Variants in MEI4 observed in about 807,000 individuals in gnomAD.
MEI4 encodes meiosis-specific protein MEI4.
MEI4 carries 27 observed loss-of-function variants against 31.4 expected under a neutral mutation model. The observed-to-expected ratio is 0.86, with a 90% confidence interval of 0.63 to 1.19. The LOEUF (loss-of-function observed/expected upper bound fraction) is 1.19. Ranked by LOEUF, MEI4 falls within the 50% of genes most tolerant of loss-of-function variation. MEI4 has a pLI of 0.00. For missense variants in MEI4, 329 were observed against 398.9 expected, an observed-to-expected ratio of 0.82 and a Z score of 1.49; for synonymous variants, 122 against 145.4, an observed-to-expected ratio of 0.84 and a Z score of 1.16.
chr6:77,663,934 G>T (rs988652721), intron 1 of MEI4, among the ~76,000 whole-genome samples: 1 of 152,280 alleles, frequency 6.6e-6, no homozygotes, highest in Non-Finnish European at 1.5e-5. Context: ...TTTCAGTGGG[G>T]TCCCACACAG....
intron 4 of MEI4, among the ~76,000 whole-genome samples, chr6:77,891,791 T>C (rs1031529066): frequency 1.3e-5 from 2 of 152,224 alleles, no homozygotes; most frequent in African/African-American, 2.4e-5. Flanking sequence ...GACTTTTTTA[T>C]TGTTGTATCT....
At chr6:77,911,579 G>C (rs1490526953) in intron 4 of MEI4, among the ~76,000 whole-genome samples, 2 of 151,722 alleles carry the variant, frequency 1.3e-5, no homozygotes, top group African/African-American at 4.8e-5. Flanking sequence ...TTCTGTTCCT[G>C]CATTAATTAA....
At chr6:77,873,332 T>G (rs965965831) in intron 4 of MEI4, among the ~76,000 whole-genome samples, 16 of 152,240 alleles carry the variant, frequency 1.1e-4, no homozygotes, top group Non-Finnish European at 2.1e-4. Flanking sequence ...GTGGTTTTGA[T>G]TGGCATTGCT....
intron 2 of MEI4, among the ~76,000 whole-genome samples, chr6:77,731,074 G>C (rs1445569419): frequency 1.3e-5 from 2 of 151,910 alleles, no homozygotes; most frequent in Admixed American, 1.3e-4. Flanking sequence ...TGTGACTAGT[G>C]CCTCAATAAA....
chr6:77,705,639 C>T (rs757015292), intron 2 of MEI4, among the ~76,000 whole-genome samples: 1 of 152,114 alleles, frequency 6.6e-6, no homozygotes. Flanking sequence ...GAGGGAGGCC[C>T]AATGTGTATG....
At chr6:77,860,734 C>G (rs1026562508) in intron 4 of MEI4, among the ~76,000 whole-genome samples, 2 of 152,084 alleles carry the variant, frequency 1.3e-5, no homozygotes, top group Non-Finnish European at 2.9e-5. Flanking sequence ...AAATACAACT[C>G]AAAGCTCTCC....
rs141484664 is a variant in MEI4, at chr6:77,768,775, C to A, written c.768+7110C>A. 5.6e-4 allele frequency among the ~76,000 whole-genome samples: 85 copies of A among 151,680 alleles called. 2 individuals are homozygous for A. The highest frequency in any genetic ancestry group is 1.5e-3 in the African/African-American group (62 of 41,422). On this transcript the variant is annotated intron_variant, in intron 3 of 4. Transcript: ENST00000684080. The stretch of plus-strand genomic sequence containing the variant: ...CCTGTTCTGTGGTGCAATATAGGAT[C>A]ACCTGTTTCTTGTTCTTTTTTATTG...
At chr6:77,657,459 C>T (rs1387938865) in intron 1 of MEI4, among the ~76,000 whole-genome samples, 3 of 142,906 alleles carry the variant, frequency 2.1e-5, no homozygotes, top group African/African-American at 8.0e-5. Flanking sequence ...TTCAATTTCA[C>T]AAACATCTTT....
intron 1 of MEI4, among the ~76,000 whole-genome samples, chr6:77,675,915 T>C (rs1768836456): frequency 6.6e-6 from 1 of 152,234 alleles, no homozygotes; most frequent in Non-Finnish European, 1.5e-5. Context: ...GCTGTTCTCA[T>C]GGCCATTTCA....
At chr6:77,696,624 C>G (rs1401897032) in intron 2 of MEI4, among the ~76,000 whole-genome samples, 8 of 151,486 alleles carry the variant, frequency 5.3e-5, no homozygotes, top group African/African-American at 1.2e-4. Context: ...CCCACTTGAT[C>G]ATGGTGGATA....
At chr6:77,715,245 C>G (rs1034969243) in intron 2 of MEI4, among the ~76,000 whole-genome samples, 2 of 152,118 alleles carry the variant, frequency 1.3e-5, no homozygotes, top group African/African-American at 4.8e-5. Context: ...TCCTAGACCA[C>G]TGATTTTGTA....
At chr6:77,845,781 C>T (rs192940441) in intron 4 of MEI4, among the ~76,000 whole-genome samples, 11 of 151,570 alleles carry the variant, frequency 7.3e-5, no homozygotes, top group African/African-American at 2.2e-4. Context: ...GTTTATATAT[C>T]TAAGTGGCCT....
At chr6:77,745,243 C>T (rs760339272) in intron 2 of MEI4, among the ~76,000 whole-genome samples, 4 of 152,100 alleles carry the variant, frequency 2.6e-5, no homozygotes, top group African/African-American at 9.7e-5. Flanking sequence ...TGCAGAGACA[C>T]ACATAGGCTC....
intron 4 of MEI4, among the ~76,000 whole-genome samples, chr6:77,874,640 A>G (rs1354803722): frequency 2.0e-5 from 3 of 151,990 alleles, no homozygotes; most frequent in African/African-American, 7.3e-5. Context: ...TTCCAACACT[A>G]TGTTGAATAG....
intron 4 of MEI4, among the ~76,000 whole-genome samples, chr6:77,874,933 G>A (rs1431854044): frequency 6.6e-6 from 1 of 152,174 alleles, no homozygotes; most frequent in Non-Finnish European, 1.5e-5. Context: ...TATTGAACTA[G>A]AAAGGCAGGA....
At chr6:77,768,516 G>A (rs1381357695) in intron 3 of MEI4, among the ~76,000 whole-genome samples, 2 of 151,918 alleles carry the variant, frequency 1.3e-5, no homozygotes, top group African/African-American at 4.8e-5. Context: ...CCTGGCCAAC[G>A]TGGGAAAACC....
At chr6:77,848,608 A>G (rs557282489) in intron 4 of MEI4, among the ~76,000 whole-genome samples, 2 of 152,226 alleles carry the variant, frequency 1.3e-5, no homozygotes, top group African/African-American at 4.8e-5. Flanking sequence ...ACCTCGGGGA[A>G]AGTGCACTTG....
chr6:77,676,067 T>C (rs1240857205), intron 1 of MEI4, among the ~76,000 whole-genome samples: 3 of 152,158 alleles, frequency 2.0e-5, no homozygotes, highest in Non-Finnish European at 2.9e-5. Context: ...TGAACTGCCT[T>C]GGGTTTGGGT....
At chr6:77,823,648 T>C (rs1214869869) in intron 3 of MEI4, among the ~76,000 whole-genome samples, 1 of 145,502 alleles carries the variant, frequency 6.9e-6, no homozygotes, top group African/African-American at 2.4e-5. Flanking sequence ...TTCCCACAAA[T>C]AACATCTAAG....
Sources: allele counts gnomAD v4.1 joint callset (sites outside exome capture counted in the v4.1 genomes callset), GRCh38; gene constraint gnomAD v4.1.1; transcripts MANE v1.5; gene names NCBI Gene and HGNC (gene_info 2026-07-23, HGNC 2026-07-21).